DCLK1: variants seen among roughly 807,000 people sequenced by gnomAD.
DCLK1 encodes doublecortin like kinase 1.
In DCLK1, 16 loss-of-function variants were observed where a neutral mutation model predicts 86.2. The ratio of observed to expected loss-of-function variants is 0.19; its 90% CI spans 0.13 to 0.28. DCLK1 has a LOEUF of 0.28. Ranked by LOEUF, DCLK1 falls within the 10% of genes least tolerant of loss-of-function variation. DCLK1 has a pLI of 1.00. For synonymous variants in DCLK1, 369 were observed against 370.5 expected (o/e 1.00, Z 0.05); for missense variants, 590 against 940.2 (o/e 0.63, Z 4.87).
chr13:35,891,080 T>C (rs17053115), intron 4 of DCLK1, among the ~76,000 whole-genome samples: 8,320 of 152,116 alleles, frequency 0.055, 442 homozygotes, highest in African/African-American at 0.14. Flanking sequence ...TATTAATTAC[T>C]GTAAGGAGAC....
intron 4 of DCLK1, among the ~76,000 whole-genome samples, chr13:35,882,598 T>G (rs1872981994): frequency 1.3e-5 from 2 of 152,198 alleles, no homozygotes; most frequent in Non-Finnish European, 2.9e-5. Context: ...GCTTTCTGTC[T>G]CCCTTTTCTT....
chr13:35,867,784 A>G (rs1871899734), intron 5 of DCLK1, among the ~76,000 whole-genome samples: 1 of 151,614 alleles, frequency 6.6e-6, no homozygotes, highest in Non-Finnish European at 1.5e-5. Flanking sequence ...TAGACTCATC[A>G]GTCCATTCTT....
intron 3 of DCLK1, among the ~76,000 whole-genome samples, chr13:35,983,572 A>G (rs1409441611): frequency 1.3e-5 from 2 of 152,200 alleles, no homozygotes; most frequent in Admixed American, 1.3e-4. Flanking sequence ...TATAGTCAAT[A>G]ATAACCTAAT....
chr13:35,922,634 T>C (rs917737671), intron 4 of DCLK1, among the ~76,000 whole-genome samples: 6 of 152,204 alleles, frequency 3.9e-5, no homozygotes, highest in Non-Finnish European at 7.3e-5. Context: ...GCCATTATTA[T>C]TAATACAGCT....
At chr13:36,061,706 A>C (rs1883553728) in intron 3 of DCLK1, among the ~76,000 whole-genome samples, 1 of 152,196 alleles carries the variant, frequency 6.6e-6, no homozygotes, top group South Asian at 2.1e-4. Flanking sequence ...GTGTGAATAT[A>C]ATTTGGCTCA....
chr13:35,829,386 A>G (rs1229077229), intron 8 of DCLK1, among the ~76,000 whole-genome samples: 1 of 152,196 alleles, frequency 6.6e-6, no homozygotes, highest in East Asian at 1.9e-4. Context: ...GGGAGAGCCT[A>G]GCTTTTTACC....
intron 3 of DCLK1, among the ~76,000 whole-genome samples, chr13:35,971,646 T>A (rs1879065089): frequency 6.6e-6 from 1 of 151,838 alleles, no homozygotes; most frequent in Non-Finnish European, 1.5e-5. Context: ...GCCTGTAATC[T>A]CAGCAATGTG....
chr13:35,969,715 G>A (rs1043293622), intron 3 of DCLK1, among the ~76,000 whole-genome samples: 1 of 152,158 alleles, frequency 6.6e-6, no homozygotes, highest in African/African-American at 2.4e-5. Flanking sequence ...AGTTGTCAAA[G>A]GGGCAAAATC....
At chr13:36,088,564 T>C (rs1006930722) in intron 3 of DCLK1, among the ~76,000 whole-genome samples, 1 of 152,210 alleles carries the variant, frequency 6.6e-6, no homozygotes, top group Non-Finnish European at 1.5e-5. Flanking sequence ...GGTAGAGAAC[T>C]ACATCCTGGG....
intron 5 of DCLK1, among the ~76,000 whole-genome samples, chr13:35,866,453 CTTTTTT>C (rs34793570): frequency 7.4e-6 from 1 of 134,284 alleles, no homozygotes. Flanking sequence ...AACAAAGACT[CTTTTTT>C]TTTTTTTTTT....
At chr13:36,012,550 T>C (rs1171983729) in intron 3 of DCLK1, among the ~76,000 whole-genome samples, 1 of 144,562 alleles carries the variant, frequency 6.9e-6, no homozygotes, top group African/African-American at 2.6e-5. Context: ...ATGTTGAATA[T>C]TGGCCCCCAC....
chr13:35,809,113 G>A lies in DCLK1; in HGVS notation c.1689-18C>T, dbSNP rs2087091589. ...GGCCGTATCTGGAAAAATAAGGGAT[G>A]TTAGAGTTAGGAGGGTCAGGCTCGG... On this transcript the variant is annotated intron_variant, in intron 12 of 16. Coordinates refer to ENST00000360631, the MANE Select transcript of DCLK1 (RefSeq NM_001330071.2). The A allele has an allele frequency of 6.2e-7, 1 of 1,606,080 alleles. No homozygotes were observed. Among genetic ancestry groups the A allele is most frequent in the Non-Finnish European group, 8.5e-7 (1 of 1,174,222 alleles).
Position 35,871,169 on chromosome 13 carries a change from C to G in DCLK1, c.940+55G>C. On this transcript the variant is annotated intron_variant, in intron 5 of 16. Transcript: ENST00000360631. ...CACTCTAGGCTTCACACACCCTCTGCTCATCCTGTGTCAGGAACAAGGCAA... is the reference window on the plus strand; with the variant it reads ...CACTCTAGGCTTCACACACCCTCTGGTCATCCTGTGTCAGGAACAAGGCAA... 6 of 1,431,972 alleles carry G rather than the reference C, an allele frequency of 4.2e-6. No homozygotes were observed. In the South Asian group the frequency reaches 6.9e-5, roughly 17 times the overall value. The allele number at this position is 1,431,972 out of a possible 1,614,324, so 88.7% of individuals were successfully genotyped here. A position where few individuals can be genotyped will look rare whatever the true frequency, so the allele number is the denominator to read the frequency against.
chr13:35,914,375 A>G (rs9531183), intron 4 of DCLK1, among the ~76,000 whole-genome samples: 6,410 of 84,342 alleles, frequency 0.076, 206 homozygotes, highest in South Asian at 0.2. Context: ...ATATGTATAT[A>G]TATATATATA....
intron 8 of DCLK1, among the ~76,000 whole-genome samples, chr13:35,830,534 A>C (rs1868870885): frequency 6.6e-6 from 1 of 152,228 alleles, no homozygotes; most frequent in African/African-American, 2.4e-5. Flanking sequence ...GTTTGTCTAC[A>C]AACTTGAAAA....
At chr13:35,860,510 T>C (rs547807535) in intron 5 of DCLK1, among the ~76,000 whole-genome samples, 1 of 152,056 alleles carries the variant, frequency 6.6e-6, no homozygotes, top group Non-Finnish European at 1.5e-5. Flanking sequence ...AAAGAAACCA[T>C]CTACTGAGAA....
At chr13:35,984,006 A>G (rs1350821814) in intron 3 of DCLK1, among the ~76,000 whole-genome samples, 1 of 152,198 alleles carries the variant, frequency 6.6e-6, no homozygotes, top group Non-Finnish European at 1.5e-5. Context: ...TTGAGCCTCC[A>G]GGCCTTCCAC....
intron 4 of DCLK1, among the ~76,000 whole-genome samples, chr13:35,931,499 T>C (rs73521584): frequency 0.039 from 5,864 of 152,280 alleles, 397 homozygotes; most frequent in African/African-American, 0.13. Flanking sequence ...ACCTTAATCA[T>C]GCTTAGGCTG....
chr13:35,782,850 T>C (rs2086552645), intron 16 of DCLK1, among the ~76,000 whole-genome samples: 1 of 152,226 alleles, frequency 6.6e-6, no homozygotes, highest in African/African-American at 2.4e-5. Flanking sequence ...GGAAAACTCT[T>C]CTGGAGAGGG....
Sources: gnomAD v4.1 joint callset for allele counts (sites outside exome capture counted in the v4.1 genomes callset) on GRCh38, gnomAD v4.1.1 for gene constraint, MANE v1.5 for transcripts, NCBI Gene and HGNC (gene_info 2026-07-23, HGNC 2026-07-21) for gene names.